CBX2: variants seen among roughly 807,000 people sequenced by gnomAD.
CBX2 encodes the protein chromobox 2.
CBX2 carries 11 observed loss-of-function variants against 21.0 expected under a neutral mutation model. The observed-to-expected ratio is 0.52, with a 90% CI of 0.33 to 0.87. The LOEUF (loss-of-function observed/expected upper bound fraction) is 0.87. Among genes scored for constraint, CBX2 ranks in the 40% least tolerant of loss-of-function variants. The probability of loss-of-function intolerance (pLI) is 0.02; values close to 1 mark genes in which losing one functional copy is unlikely to be tolerated. For synonymous variants in CBX2, 364 were observed against 304.6 expected (o/e 1.19, Z -2.03); for missense variants, 746 against 724.3 (o/e 1.03, Z -0.34).
Position 79,784,218 on chromosome 17 carries a change from T to C in CBX2, c.775T>C (p.Tyr259His). ...CAGCTGGCAGAGCTCCATCGTGCAC[T>C]ACATGAACCGGATGACCCAGAGCCA... is the stretch of plus-strand genomic sequence containing the variant. Reference protein sequence around the residue: ...GISWQSSIVHYMNRMTQSQAQ... With the variant: ...GISWQSSIVHHMNRMTQSQAQ... Residue 259 changes from tyrosine to histidine, a missense_variant, in exon 5 of 5, where the codon TAC becomes CAC. This residue lies in a region of CBX2 where 701 missense variants were observed against 650.7 expected (regional missense o/e 1.08). Transcript: ENST00000310942. The surrounding 1 kb of genome is among the most constrained non-coding windows in gnomAD (Gnocchi z 5.9). 1 of 1,612,798 alleles carries C rather than the reference T, an allele frequency of 6.2e-7. No individual in the cohort carries two copies. The highest frequency in any genetic ancestry group is 8.5e-7 in the Non-Finnish European group (1 of 1,179,926).
At chr17:79,777,385 G>T (rs1320442112), upstream of CBX2, among the ~76,000 whole-genome samples, 2 of 152,098 alleles carry the variant, frequency 1.3e-5, no homozygotes, top group African/African-American at 4.8e-5. Context: ...ATTCAGAAAA[G>T]GTGCAGCTGG....
rs781902740 is a variant in CBX2 at position 79,784,275 on chromosome 17, G to A, written c.832G>A (p.Ala278Thr). ...AQAASRLALK[A>T]QATNKCGLGL... is the part of the protein sequence containing the mutation. ...GGCTGCCAGCAGGTTGGCGCTGAAG[G>A]CCCAGGCCACCAACAAGTGCGGCCT... The change falls in exon 5 of 5, where the codon GCC becomes ACC. Residue 278 changes from alanine to threonine, a missense_variant. Ala to Thr is a moderately conservative substitution (Grantham distance 58, BLOSUM62 0). This residue lies in a region of CBX2 where 701 missense variants were observed against 650.7 expected (regional missense o/e 1.08). Transcript: ENST00000310942. This position sits in a 1 kb window ranked among gnomAD's most constrained non-coding sequence, Gnocchi z 5.9. 2.5e-6 allele frequency: 4 copies of A among 1,612,846 alleles called. No individual in the cohort carries two copies. The highest frequency in any genetic ancestry group is 2.2e-5 in the South Asian group (2 of 91,082).
chr17:79,782,402 A>G (rs1555830629), intron 4 of CBX2: 1 of 1,370,242 alleles, frequency 7.3e-7, no homozygotes, highest in African/African-American at 1.5e-5. Flanking sequence ...ACAGGTATGC[A>G]TGCGCCCCTG....
At chr17:79,777,531 G>T (rs1342169389), upstream of CBX2, among the ~76,000 whole-genome samples, 1 of 152,152 alleles carries the variant, frequency 6.6e-6, no homozygotes, top group Non-Finnish European at 1.5e-5. Flanking sequence ...TTCCTCTCTC[G>T]CCTTTGGGGG....
chr17:79,781,721 C>T lies in CBX2; in HGVS notation c.208C>T (p.Arg70Trp), dbSNP rs782303034. 2.6e-5 allele frequency: 42 copies of T among 1,613,846 alleles called. No individual in the cohort carries two copies. In the Middle Eastern group the frequency reaches 4.9e-4, roughly 19 times the overall value. Residue 70 changes from arginine to tryptophan, a missense_variant, in exon 4 of 5, where the codon CGG becomes TGG. Arg to Trp is a moderately radical substitution (Grantham distance 101). This residue lies in a region of CBX2 where 701 missense variants were observed against 650.7 expected (regional missense o/e 1.08). Coordinates refer to ENST00000310942, the MANE Select transcript of CBX2 (RefSeq NM_005189.3). Reference sequence around the variant, plus strand: ...GGAACATGAGAAGGAGGTGCAGAACCGGAAGAGAGGCAAGAGGCCGAGAGG... The same window carrying T: ...GGAACATGAGAAGGAGGTGCAGAACTGGAAGAGAGGCAAGAGGCCGAGAGG... ...KKEHEKEVQN[R>W]KRGKRPRGRP...
chr17:79,780,595 C>T (rs1200562953), intron 3 of CBX2, among the ~76,000 whole-genome samples: 1 of 152,034 alleles, frequency 6.6e-6, no homozygotes, highest in African/African-American at 2.4e-5. Flanking sequence ...GCAGAAACAC[C>T]TGAGATAAGA....
chr17:79,784,383 G>T lies in CBX2; in HGVS notation c.940G>T (p.Gly314Cys). ...PGSKIPKAPSGGAVEQKVGNT... is the reference protein window; with the variant it reads ...PGSKIPKAPSCGAVEQKVGNT... ...AAGCAAAATCCCGAAGGCCCCCAGC[G>T]GTGGGGCTGTGGAGCAGAAAGTGGG... The change falls in exon 5 of 5, where the codon GGT becomes TGT. Residue 314 changes from glycine (G) to cysteine (C), a missense_variant. Physicochemically the swap from Gly to Cys is radical, Grantham distance 159. This residue lies in a region of CBX2 where 701 missense variants were observed against 650.7 expected (regional missense o/e 1.08). Coordinates refer to ENST00000310942, the MANE Select transcript of CBX2 (RefSeq NM_005189.3). The surrounding 1 kb of genome is among the most constrained non-coding windows in gnomAD (Gnocchi z 5.9). 6.2e-7 allele frequency: 1 copy of T among 1,612,640 alleles called. No individual in the cohort carries two copies. Among genetic ancestry groups the T allele is most frequent in the Non-Finnish European group, 8.5e-7 (1 of 1,179,736 alleles).
rs1555830565 is a variant in CBX2 at position 79,782,198 on chromosome 17, G to A, written c.288+397G>A. The A allele has an allele frequency of 3.1e-6, 5 of 1,610,852 alleles. No homozygotes were observed. In the Admixed American group the frequency reaches 5.0e-5, roughly 16 times the overall value. On this transcript the variant is annotated intron_variant, in intron 4 of 4. Coordinates refer to ENST00000310942, the MANE Select transcript of CBX2 (RefSeq NM_005189.3). ...ATGTGACTCAAAAGCCTAAGATTTG[G>A]GGGCTACTCCGGGCCCACCTGCGGG...
At chr17:79,782,222 G>C in intron 4 of CBX2, 4 of 1,600,816 alleles carry the variant, frequency 2.5e-6, no homozygotes, top group Non-Finnish European at 3.4e-6. Context: ...CCCACCTGCG[G>C]GTGCACCTTA....
At position 79,778,437 on chromosome 17, in the gene CBX2, C is replaced by T. The variant is rs782353934; in HGVS notation, c.116+10C>T. 2 of 1,520,182 alleles carry T rather than the reference C, an allele frequency of 1.3e-6. No homozygotes were observed. The highest frequency in any genetic ancestry group is 8.8e-7 in the Non-Finnish European group (1 of 1,135,698). The allele number at this position is 1,520,182 out of a possible 1,614,324, so 94.2% of individuals were successfully genotyped here. ...GCGGCTGGTCCTCCAAGTGAGTCCC[C>T]CGCGACGCCGCGCCCCCCTCCCGCC... On this transcript the variant is annotated intron_variant, in intron 2 of 4. Transcript: ENST00000310942. The surrounding 1 kb of genome is among the most constrained non-coding windows in gnomAD (Gnocchi z 4.8).
upstream of CBX2, chr17:79,778,035 C>A (rs1906856545): frequency 6.8e-6 from 1 of 146,238 alleles, no homozygotes; most frequent in Non-Finnish European, 1.5e-5. The surrounding 1 kb of genome is among the most constrained non-coding windows in gnomAD (Gnocchi z 4.8). Flanking sequence ...CGCCCCCCCT[C>A]GCTGATTGGC....
Position 79,784,409 on chromosome 17 carries a change from G to C in CBX2, c.966G>C (p.Gly322=), listed in dbSNP as rs782787780. Residue 322 remains glycine (G), a synonymous_variant, in exon 5 of 5, where the codon GGG becomes GGC. Transcript: ENST00000310942. This position sits in a 1 kb window ranked among gnomAD's most constrained non-coding sequence, Gnocchi z 5.9. The part of the protein sequence containing the change: ...PSGGAVEQKV[G]NTGGPPHTHG... ...GTGGGGCTGTGGAGCAGAAAGTGGG[G>C]AACACAGGGGGCCCCCCGCACACCC... The C allele has an allele frequency of 1.2e-6, 2 of 1,612,142 alleles. No homozygotes were observed. Among genetic ancestry groups the C allele is most frequent in the Admixed American group, 1.7e-5 (1 of 59,914 alleles).
chr17:79,781,790 T>C lies in CBX2; in HGVS notation c.277T>C (p.Ser93Pro). Residue 93 changes from serine to proline, a missense_variant, in exon 4 of 5, where the codon TCC (serine) becomes CCC (proline). This residue lies in a region of CBX2 where 701 missense variants were observed against 650.7 expected (regional missense o/e 1.08). Coordinates refer to ENST00000310942, the MANE Select transcript of CBX2 (RefSeq NM_005189.3). ...TGCCATGTCCTCCTGCAGCCGGCGC[T>C]CCAAGCTCAAGGTGGGTGGCTGCGC... ...LTAMSSCSRR[S>P]KLKEPDAPSK... 2 of 1,614,088 alleles carry C rather than the reference T, an allele frequency of 1.2e-6. No homozygotes were observed. The highest frequency in any genetic ancestry group is 1.7e-6 in the Non-Finnish European group (2 of 1,179,978).
chr17:79,784,613 G>A lies in CBX2; in HGVS notation c.1170G>A (p.Lys390=). Reference sequence around the variant, plus strand: ...CGGCCACCAACCCAGCCCCTGGGAAGGGCACTGGGAGTGGCCTCATTGGGG... The same window carrying A: ...CGGCCACCAACCCAGCCCCTGGGAAAGGCACTGGGAGTGGCCTCATTGGGG... ...GVPATNPAPG[K]GTGSGLIGAS... Residue 390 remains lysine (K), a synonymous_variant, in exon 5 of 5, where the codon AAG becomes AAA. Transcript: ENST00000310942. The surrounding 1 kb of genome is among the most constrained non-coding windows in gnomAD (Gnocchi z 5.9). 6.2e-7 allele frequency: 1 copy of A among 1,612,600 alleles called. No homozygotes were observed. Among genetic ancestry groups the A allele is most frequent in the Non-Finnish European group, 8.5e-7 (1 of 1,179,926 alleles).
Position 79,785,115 on chromosome 17 carries a change from C to T in CBX2, c.*73C>T. The T allele has an allele frequency of 7.7e-7, 1 of 1,297,240 alleles. No homozygotes were observed. Among genetic ancestry groups the T allele is most frequent in the Non-Finnish European group, 1.1e-6 (1 of 909,174 alleles). The allele number at this position is 1,297,240 out of a possible 1,614,324, so 80.4% of individuals were successfully genotyped here. A position where few individuals can be genotyped will look rare whatever the true frequency, so the allele number is the denominator to read the frequency against. On this transcript the variant is annotated 3_prime_UTR_variant, in exon 5 of 5. Coordinates refer to ENST00000310942, the MANE Select transcript of CBX2 (RefSeq NM_005189.3). The stretch of plus-strand genomic sequence containing the variant: ...TGGTGTCGCTTGGCTAAGTGACTCC[C>T]AGCCCAAGCCCCCTCAAGAGTCTGG...
In CBX2 at chr17:79,786,082, G is replaced by A. The variant is rs373148426; in HGVS notation, c.*1040G>A. On this transcript the variant is annotated 3_prime_UTR_variant, in exon 5 of 5. Coordinates refer to ENST00000310942, the MANE Select transcript of CBX2 (RefSeq NM_005189.3). ...AGGCAAGCCCCTCCCTTCACTCCCA[G>A]GACCTACCTTCTGCTAGTAAAGGAC... 3.7e-4 allele frequency: 57 copies of A among 152,506 alleles called. 3 individuals are homozygous for A. Among genetic ancestry groups the A allele is most frequent in the African/African-American group, 1.4e-3 (57 of 41,602 alleles). The allele number at this position is 152,506 out of a possible 1,614,324, so 9.4% of individuals were successfully genotyped here.
intron 2 of CBX2, among the ~76,000 whole-genome samples, chr17:79,779,058 C>G (rs1053326351): frequency 6.6e-6 from 1 of 152,224 alleles, no homozygotes; most frequent in Non-Finnish European, 1.5e-5. Context: ...CTCTCTGCAA[C>G]TTTGCGTTTT....
chr17:79,779,154 C>T (rs961482265), intron 2 of CBX2, among the ~76,000 whole-genome samples: 3 of 152,116 alleles, frequency 2.0e-5, no homozygotes, highest in Non-Finnish European at 4.4e-5. Context: ...CGGCAGTTTC[C>T]CTTTGGGTCT....
chr17:79,783,556 C>T lies in CBX2; in HGVS notation c.289-176C>T, dbSNP rs188749059. On this transcript the variant is annotated intron_variant, in intron 4 of 4. Coordinates refer to ENST00000310942, the MANE Select transcript of CBX2 (RefSeq NM_005189.3). ...TCTGCAGTAGCTGGGACTACAGGTG[C>T]GCGCCACAACACCCGGCTAATTTTT... 1.6e-3 allele frequency among the ~76,000 whole-genome samples: 246 copies of T among 152,140 alleles called. 2 individuals are homozygous for T. Among genetic ancestry groups the T allele is most frequent in the African/African-American group, 5.6e-3 (232 of 41,464 alleles).
Sources: gnomAD v4.1 joint callset for allele counts (sites outside exome capture counted in the v4.1 genomes callset) on GRCh38, gnomAD v4.1.1 for gene constraint, gnomAD v4.1.1 regional missense constraint, Gnocchi (gnomAD v3.1) non-coding constraint, MANE v1.5 for transcripts, NCBI Gene and HGNC (gene_info 2026-07-23, HGNC 2026-07-21) for gene names.